The following DGUOK variants were observed in gnomAD, a reference collection of about 807,000 sequenced individuals.
DGUOK encodes the protein deoxyguanosine kinase, also known as deoxyguanosine kinase, mitochondrial.
DGUOK carries 30 observed loss-of-function variants against 36.6 expected under a neutral mutation model. The observed-to-expected ratio is 0.82, with a 90% CI of 0.61 to 1.11. The LOEUF is 1.11. DGUOK is among the 50% of genes most tolerant of loss of function. The probability of loss-of-function intolerance (pLI) is 0.00; values close to 1 mark genes in which losing one functional copy is unlikely to be tolerated. For synonymous variants in DGUOK, 145 were observed against 126.3 expected (o/e 1.15, Z -0.99); for missense variants, 361 against 336.4 (o/e 1.07, Z -0.57).
In DGUOK at chr2:73,932,095, G is replaced by A. The variant is rs182287714; in HGVS notation, c.142+5043G>A. On this transcript the variant is annotated intron_variant, in intron 1 of 6. Transcript: ENST00000264093. ...TATGTGCCTGAGGTCAAGAGAGTCC[G>A]GAGATGGGTGCTGAGATTTCAGATG... Among the ~76,000 whole-genome samples, 108 of 152,276 alleles carry A rather than the reference G, an allele frequency of 7.1e-4. 3 individuals carry two copies. Among genetic ancestry groups the A allele is most frequent in the Admixed American group, 6.5e-3 (99 of 15,300 alleles).
chr2:73,954,606 T>C (rs1682955011), intron 4 of DGUOK, among the ~76,000 whole-genome samples: 1 of 151,772 alleles, frequency 6.6e-6, no homozygotes, highest in African/African-American at 2.4e-5. Context: ...ATCAAGAGAG[T>C]GCAGCTGATC....
At chr2:73,947,258 C>A in intron 3 of DGUOK, 1 of 296,212 alleles carries the variant, frequency 3.4e-6, no homozygotes, top group Non-Finnish European at 6.6e-6. Flanking sequence ...AGTGTATATT[C>A]TAAGAAATCA....
intron 4 of DGUOK, among the ~76,000 whole-genome samples, chr2:73,954,836 C>T (rs1297482318): frequency 6.6e-6 from 1 of 152,202 alleles, no homozygotes; most frequent in Non-Finnish European, 1.5e-5. Context: ...TAAAGGGTCT[C>T]TCCCTCGCCA....
chr2:73,944,492 C>A (rs1461640116), intron 2 of DGUOK, among the ~76,000 whole-genome samples: 1 of 152,058 alleles, frequency 6.6e-6, no homozygotes, highest in Non-Finnish European at 1.5e-5. Flanking sequence ...ATAGCTTATT[C>A]TTGTTTTATC....
At chr2:73,947,748 C>A (rs1682437160) in intron 3 of DGUOK, 1 of 152,242 alleles carries the variant, frequency 6.6e-6, no homozygotes, top group Non-Finnish European at 1.5e-5. Flanking sequence ...TTATCTGAAG[C>A]CTATGAATGA....
At chr2:73,927,955 T>A (rs1371219863) in intron 1 of DGUOK, among the ~76,000 whole-genome samples, 1 of 152,162 alleles carries the variant, frequency 6.6e-6, no homozygotes, top group Non-Finnish European at 1.5e-5. Context: ...GCCAGCACTG[T>A]TCTTGGCCTG....
chr2:73,927,254 CACAGGAACAT>C (rs1029958593), intron 1 of DGUOK, among the ~76,000 whole-genome samples: 15 of 152,276 alleles, frequency 9.9e-5, no homozygotes, highest in African/African-American at 3.6e-4. Flanking sequence ...AGTACCCGCC[CACAGGAACAT>C]ATTTGTTGGG....
Position 73,954,500 on chromosome 2 carries a change from T to A in DGUOK, c.592-2625T>A, listed in dbSNP as rs554128682. ...GCATGGTCAACATAGGGAGACCCCA[T>A]CTCTAAAAATTTTTTTTAAAACACA... On this transcript the variant is annotated intron_variant, in intron 4 of 6. Coordinates refer to ENST00000264093, the MANE Select transcript of DGUOK (RefSeq NM_080916.3). Among the ~76,000 whole-genome samples, 3 of 152,150 alleles carry A rather than the reference T, an allele frequency of 2.0e-5. No individual in the cohort carries two copies. The South Asian group carries it at 6.2e-4, about 32-fold the overall frequency.
At chr2:73,932,511 C>A (rs1681126393) in intron 1 of DGUOK, 4 of 714,506 alleles carry the variant, frequency 5.6e-6, no homozygotes, top group Non-Finnish European at 8.4e-6. Flanking sequence ...GCTATGATAT[C>A]CATGTGGAAG....
intron 1 of DGUOK, among the ~76,000 whole-genome samples, chr2:73,929,519 GGT>G (rs1257539642): frequency 1.3e-5 from 2 of 152,124 alleles, no homozygotes; most frequent in African/African-American, 4.8e-5. Context: ...AAATGTAGGT[GGT>G]ATTTAATGCC....
At chr2:73,934,069 C>T (rs993043396) in intron 1 of DGUOK, among the ~76,000 whole-genome samples, 1 of 151,834 alleles carries the variant, frequency 6.6e-6, no homozygotes, top group African/African-American at 2.4e-5. Context: ...AATATAGGCT[C>T]CTATGAAATA....
chr2:73,956,400 C>CTA (rs1683093129), intron 4 of DGUOK, among the ~76,000 whole-genome samples: 1 of 152,122 alleles, frequency 6.6e-6, no homozygotes, highest in African/African-American at 2.4e-5. Context: ...TGCTTTGAAC[C>CTA]CTGGGGCTAT....
chr2:73,949,539 G>T (rs1371661610), intron 3 of DGUOK, among the ~76,000 whole-genome samples: 1 of 152,152 alleles, frequency 6.6e-6, no homozygotes, highest in African/African-American at 2.4e-5. Context: ...GAGGATTTAG[G>T]TGACTTGCCT....
chr2:73,950,874 T>C, intron 4 of DGUOK, 142 bp downstream of exon 4: 1 of 1,134,362 alleles, frequency 8.8e-7, no homozygotes, highest in African/African-American at 1.5e-5. Context: ...GACACCCTCC[T>C]GTCCCAGCGT....
chr2:73,937,707 T>C (rs562576613), intron 1 of DGUOK, among the ~76,000 whole-genome samples: 15 of 152,316 alleles, frequency 9.8e-5, no homozygotes, highest in Non-Finnish European at 1.9e-4. Flanking sequence ...CAAGTGGAGA[T>C]GTCTGGAGAG....
chr2:73,958,313 G>A, intron 6 of DGUOK, 68 bp downstream of exon 6: 4 of 1,271,250 alleles, frequency 3.1e-6, no homozygotes, highest in East Asian at 4.7e-5. Context: ...TCTGGCCTTT[G>A]CTTCAAAGTT....
intron 2 of DGUOK, among the ~76,000 whole-genome samples, chr2:73,941,827 T>G (rs931479332): frequency 6.6e-6 from 1 of 152,098 alleles, no homozygotes; most frequent in African/African-American, 2.4e-5. Flanking sequence ...TCTATTGAGA[T>G]CTTCATCTTT....
chr2:73,958,096 C>A, intron 5 of DGUOK, 50 bp from the exon 6 acceptor site: 1 of 1,470,004 alleles, frequency 6.8e-7, no homozygotes, highest in Non-Finnish European at 9.5e-7. Flanking sequence ...AAACTTGACT[C>A]AAGTTACATT....
At chr2:73,932,657 G>C in intron 1 of DGUOK, 1 of 1,293,696 alleles carries the variant, frequency 7.7e-7, no homozygotes, top group Non-Finnish European at 1.0e-6. Flanking sequence ...AACAGGGAAG[G>C]TGAACCCCTG....
Sources: gnomAD v4.1 joint callset for allele counts (sites outside exome capture counted in the v4.1 genomes callset) on GRCh38, gnomAD v4.1.1 for gene constraint, MANE v1.5 for transcripts, NCBI Gene and HGNC (gene_info 2026-07-23, HGNC 2026-07-21) for gene names.